The following GLI3 variants were observed in gnomAD, a reference collection of about 807,000 sequenced individuals.
GLI3 encodes transcription activator GLI3.
A neutral mutation model predicts 100.8 loss-of-function variants in GLI3; 20 were observed. The ratio of observed to expected loss-of-function variants is 0.20; its 90% CI spans 0.14 to 0.29. The LOEUF (loss-of-function observed/expected upper bound fraction) is 0.29. Ranked by LOEUF, GLI3 falls within the 10% of genes least tolerant of loss-of-function variation. GLI3 has a pLI of 1.00. For synonymous variants in GLI3, 938 were observed against 860.5 expected (o/e 1.09, Z -1.58); for missense variants, 2,040 against 2,128.5 (o/e 0.96, Z 0.82).
chr7:42,182,673 TATATATATACAC>T (rs747475877), intron 2 of GLI3, among the ~76,000 whole-genome samples: 3 of 85,350 alleles, frequency 3.5e-5, no homozygotes, highest in African/African-American at 4.9e-5. Flanking sequence ...TATATATATA[TATATATATACAC>T]ATGTGTGTAT....
At position 41,964,957 on chromosome 7, in the gene GLI3, G is replaced by A. The variant is rs1200143961; in HGVS notation, c.4116C>T (p.Ser1372=). ...TGACAACTGCCAAGCTTGACGGCTG[G>A]CTGCCCATGCCGTGAGCCCCTGGCA... is the stretch of plus-strand genomic sequence containing the variant. ...SCLPGAHGMG[S]QPSSLAVVRG... is the part of the protein sequence containing the mutation. The change falls in exon 15 of 15, where the codon AGC becomes AGT. Residue 1372 remains serine (S), a synonymous_variant. Coordinates refer to ENST00000395925, the MANE Select transcript of GLI3 (RefSeq NM_000168.6). 3 of 1,613,610 alleles carry A rather than the reference G, an allele frequency of 1.9e-6. No individual in the cohort carries two copies. In the African/African-American group the frequency reaches 4.0e-5, roughly 22 times the overall value.
At chr7:42,255,159 A>C (rs1789073018) in intron 1 of GLI3, among the ~76,000 whole-genome samples, 1 of 146,214 alleles carries the variant, frequency 6.8e-6, no homozygotes, top group African/African-American at 2.6e-5. Flanking sequence ...TCTTCCCTTC[A>C]CCCTATTGTT....
chr7:41,984,995 T>A (rs903697553), intron 10 of GLI3, among the ~76,000 whole-genome samples: 2 of 152,232 alleles, frequency 1.3e-5, no homozygotes, highest in African/African-American at 4.8e-5. Flanking sequence ...GAATAAGGGC[T>A]TAGAAAGCAG....
At chr7:42,202,170 G>A (rs1486099814) in intron 2 of GLI3, among the ~76,000 whole-genome samples, 1 of 151,654 alleles carries the variant, frequency 6.6e-6, no homozygotes, top group African/African-American at 2.4e-5. Flanking sequence ...TCTTCATGTG[G>A]CTCATGAATG....
At chr7:42,122,186 T>A (rs1786017847) in intron 3 of GLI3, among the ~76,000 whole-genome samples, 1 of 146,922 alleles carries the variant, frequency 6.8e-6, no homozygotes, top group Non-Finnish European at 1.5e-5. Flanking sequence ...CATGCTTATA[T>A]ATATTAATAT....
chr7:41,973,520 C>A (rs1337370179), intron 12 of GLI3, among the ~76,000 whole-genome samples: 4 of 152,186 alleles, frequency 2.6e-5, no homozygotes, highest in Non-Finnish European at 4.4e-5. Context: ...GAACTGCTGA[C>A]CTTTGGCTCA....
chr7:42,178,243 T>C (rs536247566), intron 2 of GLI3, among the ~76,000 whole-genome samples: 1 of 152,316 alleles, frequency 6.6e-6, no homozygotes, highest in African/African-American at 2.4e-5. Context: ...TCACCTAAAG[T>C]GCCAACAAAG....
rs1015425657 is a variant in GLI3, at chr7:41,972,162, C to CT, written c.2103+174dup. 2.0e-5 allele frequency among the ~76,000 whole-genome samples: 3 copies of CT among 152,130 alleles called. No homozygotes were observed. Among genetic ancestry groups the CT allele is most frequent in the African/African-American group, 7.2e-5 (3 of 41,422 alleles). On this transcript the variant is annotated intron_variant, in intron 13 of 14. Coordinates refer to ENST00000395925, the MANE Select transcript of GLI3 (RefSeq NM_000168.6). This position sits in a 1 kb window ranked among gnomAD's most constrained non-coding sequence, Gnocchi z 4.4. ...AAATCAGTTAGGAAACCTGGAAACTCTTTTTCTGAGCTGATCGACTTCACG... is the reference window on the plus strand; with the variant it reads ...AAATCAGTTAGGAAACCTGGAAACTCTTTTTTCTGAGCTGATCGACTTCACG...
chr7:42,147,148 T>A (rs1191706419), intron 3 of GLI3, among the ~76,000 whole-genome samples: 1 of 152,150 alleles, frequency 6.6e-6, no homozygotes, highest in Non-Finnish European at 1.5e-5. Flanking sequence ...TGCTGAGACT[T>A]AAGGTTATGC....
intron 3 of GLI3, among the ~76,000 whole-genome samples, chr7:42,127,746 C>T (rs1583580723): frequency 6.6e-6 from 1 of 152,114 alleles, no homozygotes; most frequent in Non-Finnish European, 1.5e-5. Flanking sequence ...CAGTGGCTGT[C>T]GCCTGTAATC....
At chr7:42,224,718 G>A (rs1309708464) in intron 1 of GLI3, among the ~76,000 whole-genome samples, 1 of 152,240 alleles carries the variant, frequency 6.6e-6, no homozygotes, top group Non-Finnish European at 1.5e-5. Flanking sequence ...CAACAGAAAA[G>A]GGGGCTTGAG....
At chr7:42,025,999 G>A (rs1246356977) in intron 8 of GLI3, among the ~76,000 whole-genome samples, 200 bp downstream of exon 8, 4 of 152,148 alleles carry the variant, frequency 2.6e-5, no homozygotes, top group African/African-American at 9.7e-5. Flanking sequence ...TGACCCTGGG[G>A]GAAAAAACTG....
chr7:42,084,961 G>A (rs1785073167), intron 3 of GLI3, among the ~76,000 whole-genome samples: 1 of 124,436 alleles, frequency 8.0e-6, no homozygotes, highest in Non-Finnish European at 1.6e-5. Context: ...GCCCAGGCTG[G>A]ACTGCAGTGG....
At chr7:42,152,458 C>T (rs189365255) in intron 2 of GLI3, 2 of 950,342 alleles carry the variant, frequency 2.1e-6, no homozygotes, top group Non-Finnish European at 1.3e-6. Flanking sequence ...CTCTCTGCCT[C>T]CCTCTCCCTC....
chr7:42,238,764 G>A (rs893359238), upstream of GLI3, among the ~76,000 whole-genome samples: 3 of 152,072 alleles, frequency 2.0e-5, no homozygotes, highest in African/African-American at 7.2e-5. Flanking sequence ...TTCTCGGGGG[G>A]AAACACAGGA....
chr7:41,966,393 A>G lies in GLI3; in HGVS notation c.2680T>C (p.Ser894Pro). 6.2e-7 allele frequency: 1 copy of G among 1,610,570 alleles called. No homozygotes were observed. The highest frequency in any genetic ancestry group is 8.5e-7 in the Non-Finnish European group (1 of 1,179,414). ...GCGTCGGTGGAGATGGGGTCGTAGG[A>G]GTCGGCCACGCTCACGTTCTGCGGC... is the stretch of plus-strand genomic sequence containing the variant. The part of the protein sequence containing the change: ...GRPQNVSVAD[S>P]YDPISTDASR... Residue 894 changes from serine to proline, a missense_variant, in exon 15 of 15, where the codon TCC becomes CCC. Physicochemically the swap from Ser to Pro is moderately conservative, Grantham distance 74. Coordinates refer to ENST00000395925, the MANE Select transcript of GLI3 (RefSeq NM_000168.6). This position sits in a 1 kb window ranked among gnomAD's most constrained non-coding sequence, Gnocchi z 5.8.
chr7:42,079,513 T>G (rs951318696), intron 3 of GLI3, among the ~76,000 whole-genome samples: 2 of 152,226 alleles, frequency 1.3e-5, no homozygotes, highest in African/African-American at 4.8e-5. Flanking sequence ...TCACTGCCAA[T>G]GCAAACACGC....
chr7:42,170,442 G>T (rs528537960), intron 2 of GLI3, among the ~76,000 whole-genome samples: 236 of 115,564 alleles, frequency 2.0e-3, no homozygotes, highest in Non-Finnish European at 3.1e-3. Context: ...TCGCTCTGTC[G>T]CCCAGATTGG....
intron 10 of GLI3, among the ~76,000 whole-genome samples, chr7:41,997,754 C>G (rs533739524): frequency 1.3e-5 from 2 of 152,238 alleles, no homozygotes; most frequent in South Asian, 2.1e-4. Context: ...TCCTGGTACC[C>G]CACAGGCCTT....
Sources: allele counts gnomAD v4.1 joint callset (sites outside exome capture counted in the v4.1 genomes callset), GRCh38; gene constraint gnomAD v4.1.1; non-coding constraint Gnocchi (gnomAD v3.1); transcripts MANE v1.5; gene names NCBI Gene and HGNC (gene_info 2026-07-23, HGNC 2026-07-21).